The following OSBPL1A variants were observed in gnomAD, a reference collection of about 807,000 sequenced individuals.
The protein encoded by OSBPL1A is oxysterol-binding protein-related protein 1.
Under a neutral mutation model 137.1 loss-of-function variants are expected in OSBPL1A, and 80 were observed. The ratio of observed to expected loss-of-function variants is 0.58; its 90% CI spans 0.49 to 0.70. The LOEUF is 0.70. Ranked by LOEUF, OSBPL1A falls within the 30% of genes least tolerant of loss-of-function variation. The pLI is 0.00. For missense variants in OSBPL1A, 970 were observed against 1,129.4 expected (o/e 0.86, Z 2.02); for synonymous variants, 365 against 389.7 (o/e 0.94, Z 0.75).
chr18:24,279,421 C>T (rs891377009), intron 15 of OSBPL1A, among the ~76,000 whole-genome samples: 2 of 151,214 alleles, frequency 1.3e-5, no homozygotes, highest in African/African-American at 2.4e-5. Flanking sequence ...AGAGTGAGAC[C>T]CTGTCTCAAA....
chr18:24,189,797 G>A (rs558802155), intron 18 of OSBPL1A, among the ~76,000 whole-genome samples: 3 of 152,280 alleles, frequency 2.0e-5, no homozygotes, highest in Non-Finnish European at 2.9e-5. Context: ...GCTCTGGATG[G>A]GCAGTTTGAA....
intron 13 of OSBPL1A, among the ~76,000 whole-genome samples, chr18:24,307,102 A>G (rs1378083377): frequency 6.6e-6 from 1 of 151,758 alleles, no homozygotes. Flanking sequence ...CAAAAAAAAA[A>G]AAACAAAAAC....
At position 24,246,072 on chromosome 18, in the gene OSBPL1A, C is replaced by T. The variant is rs111758542; in HGVS notation, c.1282-6690G>A. ...TAAAAATATACAAAAATTAGGCAGG[C>T]GTGGTGGCAGGAGCCTGTAATCCCA... On this transcript the variant is annotated intron_variant, in intron 15 of 27. Transcript: ENST00000319481. Among the ~76,000 whole-genome samples, 1,198 of 151,942 alleles carry T rather than the reference C, an allele frequency of 7.9e-3. 19 individuals carry two copies. Among genetic ancestry groups the T allele is most frequent in the African/African-American group, 0.028 (1,156 of 41,382 alleles).
At chr18:24,204,778 AGAG>A (rs1194637025) in intron 17 of OSBPL1A, among the ~76,000 whole-genome samples, 2 of 152,116 alleles carry the variant, frequency 1.3e-5, no homozygotes, top group Admixed American at 1.3e-4. Context: ...CTCCTAAGAC[AGAG>A]GAGCTCTCTC....
chr18:24,170,482 C>T (rs558646844), intron 23 of OSBPL1A, 29 bp from the exon 24 acceptor site: 3 of 1,613,462 alleles, frequency 1.9e-6, no homozygotes, highest in South Asian at 2.2e-5. Context: ...GTTTAGTTAA[C>T]AAACCAGTGT....
At chr18:24,168,608 TC>T (rs1260527459) in intron 24 of OSBPL1A, among the ~76,000 whole-genome samples, 2 of 152,134 alleles carry the variant, frequency 1.3e-5, no homozygotes, top group African/African-American at 4.8e-5. Flanking sequence ...TAAGTCATAG[TC>T]CCAGCATCAC....
intron 2 of OSBPL1A, among the ~76,000 whole-genome samples, chr18:24,375,144 G>A (rs145154048): frequency 7.9e-5 from 12 of 151,922 alleles, no homozygotes; most frequent in Non-Finnish European, 1.5e-4. Flanking sequence ...GCAAGATCCC[G>A]TTTCTACAAG....
intron 17 of OSBPL1A, among the ~76,000 whole-genome samples, chr18:24,221,364 A>G (rs1316533714): frequency 1.3e-5 from 2 of 152,204 alleles, no homozygotes; most frequent in African/African-American, 2.4e-5. Flanking sequence ...AAACTAAGCA[A>G]TCACCTGGGG....
At chr18:24,286,968 G>T (rs771411948) in intron 14 of OSBPL1A, among the ~76,000 whole-genome samples, 2 of 152,134 alleles carry the variant, frequency 1.3e-5, no homozygotes, top group Non-Finnish European at 2.9e-5. Context: ...ACTGATCAAA[G>T]GGAGACTTTA....
At position 24,181,226 on chromosome 18, in the gene OSBPL1A, T is replaced by C. The variant is rs566724510; in HGVS notation, c.1731A>G (p.Leu577=). 18 of 1,614,132 alleles carry C rather than the reference T, an allele frequency of 1.1e-5. No homozygotes were observed. The South Asian group carries it at 1.6e-4, about 15-fold the overall frequency. Residue 577 remains leucine (L), a synonymous_variant, in exon 19 of 28, where the codon CTA becomes CTG. Transcript: ENST00000319481. ...PVIFNEPLSF[L]QRLTEYMEHT... ...GCTCCATGTATTCAGTTAGGCGCTG[T>C]AGGAAGCTCAGAGGCTCATTAAATA...
chr18:24,267,036 G>A (rs1236805320), intron 15 of OSBPL1A, among the ~76,000 whole-genome samples: 1 of 151,636 alleles, frequency 6.6e-6, no homozygotes, highest in Non-Finnish European at 1.5e-5. Context: ...GAGACTTATA[G>A]GGAGGGACTG....
At chr18:24,223,074 TC>T (rs1307733939) in intron 17 of OSBPL1A, among the ~76,000 whole-genome samples, 1 of 152,052 alleles carries the variant, frequency 6.6e-6, no homozygotes, top group African/African-American at 2.4e-5. Flanking sequence ...TTCAGGCTGA[TC>T]CCCCAGGTCA....
At chr18:24,300,479 T>C (rs1461438275) in intron 14 of OSBPL1A, among the ~76,000 whole-genome samples, 1 of 152,222 alleles carries the variant, frequency 6.6e-6, no homozygotes, top group Non-Finnish European at 1.5e-5. Context: ...ATGCAGTACT[T>C]TACAGAATCT....
chr18:24,376,673 G>A (rs777204720), intron 2 of OSBPL1A, among the ~76,000 whole-genome samples: 1 of 152,258 alleles, frequency 6.6e-6, no homozygotes, highest in Non-Finnish European at 1.5e-5. Flanking sequence ...GGAGCCCATG[G>A]AGGGGGTGGG....
chr18:24,269,604 G>A (rs1009241007), intron 15 of OSBPL1A, among the ~76,000 whole-genome samples: 7 of 151,994 alleles, frequency 4.6e-5, no homozygotes, highest in African/African-American at 1.5e-4. Context: ...ATCCTCAATG[G>A]ACCATTATAA....
At chr18:24,200,760 C>T (rs957923518) in intron 17 of OSBPL1A, among the ~76,000 whole-genome samples, 1 of 151,722 alleles carries the variant, frequency 6.6e-6, no homozygotes, top group African/African-American at 2.4e-5. Flanking sequence ...AAGTCAAGAA[C>T]AGACAAAAAA....
At chr18:24,219,505 T>TA (rs1329122039) in intron 17 of OSBPL1A, among the ~76,000 whole-genome samples, 2 of 152,216 alleles carry the variant, frequency 1.3e-5, no homozygotes, top group Non-Finnish European at 1.5e-5. Context: ...TACATAAGTT[T>TA]CTTAGCTCTT....
At chr18:24,171,351 G>A (rs1469631854) in intron 23 of OSBPL1A, 58 bp downstream of exon 23, 11 of 1,337,984 alleles carry the variant, frequency 8.2e-6, no homozygotes, top group Admixed American at 1.8e-5. Context: ...TTTTAATACC[G>A]ACATTTTATC....
At chr18:24,366,594 A>T in intron 4 of OSBPL1A, 1 of 257,690 alleles carries the variant, frequency 3.9e-6, no homozygotes, top group Non-Finnish European at 7.3e-6. Flanking sequence ...ACCTCAATGA[A>T]GCTATTTTTT....
Sources: gnomAD v4.1 joint callset for allele counts (sites outside exome capture counted in the v4.1 genomes callset) on GRCh38, gnomAD v4.1.1 for gene constraint, MANE v1.5 for transcripts, NCBI Gene and HGNC (gene_info 2026-07-23, HGNC 2026-07-21) for gene names.